Variants in ERBB4 observed in about 807,000 individuals in gnomAD.
ERBB4 encodes receptor tyrosine-protein kinase erbB-4.
Under a neutral mutation model 158.0 loss-of-function variants are expected in ERBB4, and 42 were observed. The ratio of observed to expected loss-of-function variants is 0.27; its 90% CI spans 0.21 to 0.34. The LOEUF (loss-of-function observed/expected upper bound fraction) is 0.34, where lower values mean the gene tolerates loss of function less well. ERBB4 is among the 10% of genes least tolerant of loss of function. The pLI is 1.00. For synonymous variants in ERBB4, 583 were observed against 558.7 expected (o/e 1.04, Z -0.61); for missense variants, 1,333 against 1,624.1 (o/e 0.82, Z 3.08).
At chr2:211,488,335 C>T (rs1176733652) in intron 20 of ERBB4, among the ~76,000 whole-genome samples, 2 of 152,022 alleles carry the variant, frequency 1.3e-5, no homozygotes, top group South Asian at 2.1e-4. Context: ...CTGGTACTTG[C>T]CGTATCTTAC....
chr2:211,701,591 C>CT (rs1235518920), intron 12 of ERBB4, among the ~76,000 whole-genome samples: 2 of 151,494 alleles, frequency 1.3e-5, no homozygotes, highest in Non-Finnish European at 2.9e-5. Flanking sequence ...CCCATCTCTA[C>CT]TAAAAATACC....
intron 5 of ERBB4, among the ~76,000 whole-genome samples, chr2:211,748,310 C>T (rs976336410): frequency 5.3e-5 from 8 of 151,988 alleles, no homozygotes; most frequent in African/African-American, 1.5e-4. Flanking sequence ...TTATTGAATA[C>T]ACTGTATGAG....
intron 25 of ERBB4, among the ~76,000 whole-genome samples, chr2:211,404,037 A>T (rs981750222): frequency 1.3e-5 from 2 of 152,150 alleles, no homozygotes; most frequent in Non-Finnish European, 2.9e-5. Context: ...GTATTTACGT[A>T]ATTATGTATA....
chr2:212,380,216 G>GA (rs969072760), intron 1 of ERBB4, among the ~76,000 whole-genome samples: 7 of 150,970 alleles, frequency 4.6e-5, no homozygotes, highest in African/African-American at 1.2e-4. Flanking sequence ...ATATTCAGGG[G>GA]AAAAAATGTG....
intron 2 of ERBB4, among the ~76,000 whole-genome samples, chr2:212,025,673 A>G (rs2076756431): frequency 6.6e-6 from 1 of 151,660 alleles, no homozygotes; most frequent in Non-Finnish European, 1.5e-5. Context: ...GAACTTCTCA[A>G]TTTAGGTAAT....
rs181630200 is a variant in ERBB4 at position 212,081,828 on chromosome 2, T to C, written c.234+42924A>G. On this transcript the variant is annotated intron_variant, in intron 2 of 27. Coordinates refer to ENST00000342788, the MANE Select transcript of ERBB4 (RefSeq NM_005235.3). ...ATGTAGGTACTTAAAGGGCTGTCAG[T>C]TCTGGGTTTTTTATATGTAACATTA... Among the ~76,000 whole-genome samples the C allele has an allele frequency of 3.3e-5, 5 of 152,240 alleles. No homozygotes were observed. In the East Asian group the frequency reaches 9.6e-4, roughly 29 times the overall value.
chr2:211,826,271 TGAA>T, intron 3 of ERBB4, among the ~76,000 whole-genome samples: 1 of 151,944 alleles, frequency 6.6e-6, no homozygotes, highest in East Asian at 1.9e-4. Flanking sequence ...ACATATTGAT[TGAA>T]TGCCTGCTAT....
chr2:212,126,556 T>G (rs545508393), intron 1 of ERBB4, among the ~76,000 whole-genome samples: 4 of 151,236 alleles, frequency 2.6e-5, no homozygotes, highest in Admixed American at 2.6e-4. Flanking sequence ...CAGAACACAA[T>G]CTTCACCACT....
At chr2:211,566,282 G>A (rs961627417) in intron 19 of ERBB4, among the ~76,000 whole-genome samples, 1 of 152,180 alleles carries the variant, frequency 6.6e-6, no homozygotes, top group African/African-American at 2.4e-5. Context: ...TCAGAGAGAA[G>A]AGAATTCAAC....
At chr2:211,804,351 A>G (rs974203847) in intron 3 of ERBB4, among the ~76,000 whole-genome samples, 1 of 152,312 alleles carries the variant, frequency 6.6e-6, no homozygotes, top group Admixed American at 6.5e-5. Context: ...GTGAGACTAT[A>G]TACTTGATCC....
chr2:212,196,794 T>C (rs543679947), intron 1 of ERBB4, among the ~76,000 whole-genome samples: 1 of 152,274 alleles, frequency 6.6e-6, no homozygotes, highest in African/African-American at 2.4e-5. Flanking sequence ...ATAATTATGG[T>C]AGCTAAACTA....
chr2:211,705,061 A>G (rs1210533906), intron 10 of ERBB4, among the ~76,000 whole-genome samples: 1 of 151,988 alleles, frequency 6.6e-6, no homozygotes, highest in Non-Finnish European at 1.5e-5. Context: ...GGTTCAAGCA[A>G]TTCTCCTGCC....
At chr2:212,435,597 A>G (rs16848556) in intron 1 of ERBB4, among the ~76,000 whole-genome samples, 3,125 of 152,096 alleles carry the variant, frequency 0.021, 98 homozygotes, top group South Asian at 0.051. Flanking sequence ...GAAGAAATCT[A>G]TAGTGCAAGA....
chr2:211,780,210 A>T (rs1181698817), intron 4 of ERBB4, among the ~76,000 whole-genome samples: 1 of 152,034 alleles, frequency 6.6e-6, no homozygotes, highest in Admixed American at 6.6e-5. Context: ...AACAGTAAAA[A>T]ACAATTATCT....
chr2:212,133,106 C>T (rs759865863), intron 1 of ERBB4, among the ~76,000 whole-genome samples: 1 of 151,982 alleles, frequency 6.6e-6, no homozygotes, highest in Non-Finnish European at 1.5e-5. Context: ...TTTTTTGGTT[C>T]TGTTTCTCTG....
intron 3 of ERBB4, among the ~76,000 whole-genome samples, chr2:211,893,367 C>G (rs1466653151): frequency 7.0e-6 from 1 of 143,402 alleles, no homozygotes; most frequent in Non-Finnish European, 1.5e-5. Flanking sequence ...ATGTAGAAAG[C>G]TGAAACTGGA....
chr2:211,692,404 A>G (rs1232880211), intron 12 of ERBB4, among the ~76,000 whole-genome samples: 1 of 152,192 alleles, frequency 6.6e-6, no homozygotes, highest in Non-Finnish European at 1.5e-5. Flanking sequence ...ATAATTTCCT[A>G]TTCATGCTGT....
At chr2:211,453,321 T>C (rs1416139303) in intron 20 of ERBB4, among the ~76,000 whole-genome samples, 3 of 152,176 alleles carry the variant, frequency 2.0e-5, no homozygotes, top group Non-Finnish European at 4.4e-5. Flanking sequence ...AATACTAAAA[T>C]AGTAGATATT....
At chr2:212,439,489 T>G (rs1294369198) in intron 1 of ERBB4, among the ~76,000 whole-genome samples, 1 of 151,992 alleles carries the variant, frequency 6.6e-6, no homozygotes, top group Non-Finnish European at 1.5e-5. Context: ...GGATATACCT[T>G]TCTCCCCATG....
Sources: allele counts gnomAD v4.1 joint callset (sites outside exome capture counted in the v4.1 genomes callset), GRCh38; gene constraint gnomAD v4.1.1; transcripts MANE v1.5; gene names NCBI Gene and HGNC (gene_info 2026-07-23, HGNC 2026-07-21).